SLC38A4: variants seen among roughly 807,000 people sequenced by gnomAD.
SLC38A4 encodes sodium-coupled neutral amino acid transporter 4.
SLC38A4 carries 20 observed loss-of-function variants against 63.1 expected under a neutral mutation model. That is an observed-to-expected ratio of 0.32 (90% confidence interval 0.22 to 0.46). The LOEUF is 0.46. Ranked by LOEUF, SLC38A4 falls within the 20% of genes least tolerant of loss-of-function variation. The pLI, the probability that SLC38A4 is intolerant of heterozygous loss-of-function variation, is 1.00. For missense variants in SLC38A4, 526 were observed against 663.6 expected, an observed-to-expected ratio of 0.79 and a Z score of 2.28; for synonymous variants, 230 against 225.5, an observed-to-expected ratio of 1.02 and a Z score of -0.18.
At chr12:46,796,473 C>T (rs74086106) in intron 2 of SLC38A4, among the ~76,000 whole-genome samples, 9,520 of 152,090 alleles carry the variant, frequency 0.063, 1,003 homozygotes, top group African/African-American at 0.22. Context: ...AATGACAGAG[C>T]GCATCGATTA....
intron 14 of SLC38A4, among the ~76,000 whole-genome samples, chr12:46,769,831 G>A (rs967754774): frequency 1.3e-5 from 2 of 152,072 alleles, no homozygotes; most frequent in African/African-American, 4.8e-5. Context: ...ACTAGGCTAT[G>A]CCATATAGCC....
intron 16 of SLC38A4, among the ~76,000 whole-genome samples, chr12:46,767,767 A>G (rs530629596): frequency 2.0e-5 from 3 of 152,228 alleles, no homozygotes; most frequent in East Asian, 3.9e-4. Flanking sequence ...AGTCTTATGG[A>G]AAAGAAATAT....
At chr12:46,820,595 G>T (rs1323748978) in intron 1 of SLC38A4, among the ~76,000 whole-genome samples, 2 of 152,006 alleles carry the variant, frequency 1.3e-5, no homozygotes, top group African/African-American at 2.4e-5. Context: ...CATTTGGGTT[G>T]TTTCCATAAC....
intron 12 of SLC38A4, 64 bp from the exon 13 acceptor site, chr12:46,777,068 A>G: frequency 7.7e-7 from 1 of 1,293,576 alleles, no homozygotes; most frequent in Non-Finnish European, 1.1e-6. Flanking sequence ...ACTTTTCAAA[A>G]TGAAAATAAT....
At chr12:46,793,245 A>G (rs1938927101) in intron 2 of SLC38A4, 62 bp from the exon 3 acceptor site, 3 of 431,970 alleles carry the variant, frequency 6.9e-6, no homozygotes, top group Non-Finnish European at 1.2e-5. Flanking sequence ...GTGAATATGA[A>G]TCATCTACAT....
At chr12:46,773,825 A>T (rs1178302848) in intron 14 of SLC38A4, among the ~76,000 whole-genome samples, 1 of 152,110 alleles carries the variant, frequency 6.6e-6, no homozygotes, top group Non-Finnish European at 1.5e-5. Context: ...GCAATACAGA[A>T]GCACATCACA....
chr12:46,810,582 T>C (rs118158783), intron 1 of SLC38A4, among the ~76,000 whole-genome samples: 1,931 of 151,530 alleles, frequency 0.013, 26 homozygotes, highest in East Asian at 0.064. Flanking sequence ...ATTATATACA[T>C]AACATATAAA....
chr12:46,778,372 A>T lies in SLC38A4; in HGVS notation c.994-4T>A, dbSNP rs1333777674. ...GGATAGGAATTGCATAGGCCGTCTG[A>T]AAAACAAAGACAACACCACGTGTTT... On this transcript the variant is annotated splice_polypyrimidine_tract_variant and splice_region_variant and intron_variant, in intron 11 of 16. Coordinates refer to ENST00000266579, the MANE Select transcript of SLC38A4 (RefSeq NM_018018.5). 1.2e-6 allele frequency: 2 copies of T among 1,612,652 alleles called. No individual in the cohort carries two copies. The highest frequency in any genetic ancestry group is 4.5e-5 in the East Asian group (2 of 44,760).
In SLC38A4 at chr12:46,781,307, C is replaced by G. The variant is rs564374507; in HGVS notation, c.494-1277G>C. On this transcript the variant is annotated intron_variant, in intron 7 of 16. Coordinates refer to ENST00000266579, the MANE Select transcript of SLC38A4 (RefSeq NM_018018.5). ...AATGATTTTTACAATAGCGGATGTA[C>G]CTTCTGTACACATTATTTGGTTAAT... 7.9e-5 allele frequency among the ~76,000 whole-genome samples: 12 copies of G among 152,130 alleles called. No individual in the cohort carries two copies. The South Asian group carries it at 2.5e-3, about 32-fold the overall frequency.
intron 1 of SLC38A4, among the ~76,000 whole-genome samples, chr12:46,817,568 G>T (rs1284613882): frequency 1.3e-5 from 2 of 151,680 alleles, no homozygotes; most frequent in African/African-American, 4.8e-5. Flanking sequence ...ACTTATTGTT[G>T]CTCCCTCCCC....
chr12:46,774,173 T>C (rs1565663232), intron 14 of SLC38A4, among the ~76,000 whole-genome samples: 1 of 152,094 alleles, frequency 6.6e-6, no homozygotes, highest in Non-Finnish European at 1.5e-5. Context: ...TGCCAAAATA[T>C]ATTTCAGCAC....
intron 14 of SLC38A4, 91 bp downstream of exon 14, chr12:46,774,958 C>T (rs1938492057): frequency 2.8e-6 from 4 of 1,433,268 alleles, no homozygotes; most frequent in Non-Finnish European, 3.8e-6. Flanking sequence ...ATTGCAAACT[C>T]ACCCTATAAT....
chr12:46,813,073 G>A (rs1162959208), intron 1 of SLC38A4, among the ~76,000 whole-genome samples: 1 of 151,836 alleles, frequency 6.6e-6, no homozygotes, highest in East Asian at 1.9e-4. Context: ...TGACATCAGT[G>A]TCTCTATGTC....
At chr12:46,807,033 AACGACAGTGGGAGAGATAAACTGT>A (rs1419706237) in intron 1 of SLC38A4, among the ~76,000 whole-genome samples, 1 of 152,048 alleles carries the variant, frequency 6.6e-6, no homozygotes, top group East Asian at 1.9e-4. Flanking sequence ...GGTATTTTGC[AACGACAGTGGGAGAGATAAACTGT>A]TGTTCTCGTC....
At chr12:46,808,755 T>C (rs1328453541) in intron 1 of SLC38A4, among the ~76,000 whole-genome samples, 1 of 152,068 alleles carries the variant, frequency 6.6e-6, no homozygotes, top group Non-Finnish European at 1.5e-5. Flanking sequence ...AAATTCTAAA[T>C]GTTAAATTAG....
At position 46,792,945 on chromosome 12, in the gene SLC38A4, C is replaced by T; in HGVS notation, c.119+8G>A. On this transcript the variant is annotated splice_region_variant and intron_variant, in intron 3 of 16. Transcript: ENST00000266579. ...TTCCATGGAACATAGTAATTTTTAA[C>T]CCCATACCTGCTCATTGCTGCCTTT... The T allele has an allele frequency of 6.2e-7, 1 of 1,601,742 alleles. No individual in the cohort carries two copies. The highest frequency in any genetic ancestry group is 8.6e-7 in the Non-Finnish European group (1 of 1,169,120).
chr12:46,783,020 ATGTGTGTGTGTG>A (rs71437771), intron 7 of SLC38A4, among the ~76,000 whole-genome samples: 23 of 103,660 alleles, frequency 2.2e-4, no homozygotes, highest in African/African-American at 6.0e-4. Context: ...GAGAGAGAAA[ATGTGTGTGTGTG>A]TGTGTGTGTG....
intron 1 of SLC38A4, among the ~76,000 whole-genome samples, chr12:46,804,124 T>G (rs1296828690): frequency 6.6e-6 from 1 of 152,008 alleles, no homozygotes. Flanking sequence ...AGAGTTATTT[T>G]CTTTTAAGTT....
At chr12:46,805,915 A>G (rs754247746) in intron 1 of SLC38A4, among the ~76,000 whole-genome samples, 2 of 151,898 alleles carry the variant, frequency 1.3e-5, no homozygotes, top group Non-Finnish European at 2.9e-5. Flanking sequence ...GGGGTAAGAT[A>G]CATCCACATA....
Sources: gnomAD v4.1 joint callset for allele counts (sites outside exome capture counted in the v4.1 genomes callset) on GRCh38, gnomAD v4.1.1 for gene constraint, MANE v1.5 for transcripts, NCBI Gene and HGNC (gene_info 2026-07-23, HGNC 2026-07-21) for gene names.